PRKCE: variants seen among roughly 807,000 people sequenced by gnomAD.
The protein encoded by PRKCE is protein kinase C epsilon, also known as protein kinase C epsilon type.
PRKCE carries 16 observed loss-of-function variants against 85.4 expected under a neutral mutation model. The ratio of observed to expected loss-of-function variants is 0.19; its 90% CI spans 0.13 to 0.28. PRKCE has a LOEUF of 0.28. Among genes scored for constraint, PRKCE ranks in the 10% least tolerant of loss-of-function variants. The pLI is 1.00. For synonymous variants in PRKCE, 388 were observed against 371.5 expected (o/e 1.04, Z -0.51); for missense variants, 573 against 975.2 (o/e 0.59, Z 5.49).
intron 1 of PRKCE, among the ~76,000 whole-genome samples, chr2:45,807,197 G>A (rs1176382371): frequency 2.0e-5 from 3 of 152,160 alleles, no homozygotes; most frequent in Non-Finnish European, 4.4e-5. Context: ...GATAATAATC[G>A]CTATCTTGCA....
intron 10 of PRKCE, among the ~76,000 whole-genome samples, chr2:46,046,103 TCCAGAGAGG>T (rs1708505836): frequency 6.6e-6 from 1 of 152,128 alleles, no homozygotes; most frequent in Non-Finnish European, 1.5e-5. Flanking sequence ...CTCCCTTTCT[TCCAGAGAGG>T]CCAGTGCCCC....
chr2:45,890,611 C>T (rs1285952126), intron 2 of PRKCE, among the ~76,000 whole-genome samples: 1 of 152,038 alleles, frequency 6.6e-6, no homozygotes, highest in Admixed American at 6.6e-5. Context: ...GAACTCCTGG[C>T]CTCAAGTGAT....
At chr2:45,826,276 T>A (rs1052448122) in intron 1 of PRKCE, among the ~76,000 whole-genome samples, 1 of 152,194 alleles carries the variant, frequency 6.6e-6, no homozygotes, top group Non-Finnish European at 1.5e-5. Context: ...ATAAAGCATT[T>A]GGGGGAATTT....
chr2:45,885,002 T>G lies in PRKCE; in HGVS notation c.412+41939T>G, dbSNP rs199883260. On this transcript the variant is annotated intron_variant, in intron 2 of 14. Transcript: ENST00000306156. ...ATATATATATATATATATATATATA[T>G]TTGTTGTTGTTGTTGTTGTTTTACC... is the stretch of plus-strand genomic sequence containing the variant. Among the ~76,000 whole-genome samples, 677 of 97,660 alleles carry G rather than the reference T, an allele frequency of 6.9e-3. 35 individuals carry two copies. Among genetic ancestry groups the G allele is most frequent in the South Asian group, 0.019 (57 of 2,948 alleles). 64.1% of individuals were successfully genotyped at this position (97,660 alleles called of 152,430 possible).
At chr2:46,016,253 G>A (rs1490829843) in intron 10 of PRKCE, among the ~76,000 whole-genome samples, 1 of 152,168 alleles carries the variant, frequency 6.6e-6, no homozygotes, top group East Asian at 1.9e-4. Context: ...TTTATGGCAG[G>A]ACCTTTGGTC....
Position 45,768,509 on chromosome 2 carries a change from C to G in PRKCE, c.349-74491C>G, listed in dbSNP as rs569147517. Reference sequence around the variant, plus strand: ...CTTCCCTCTTTTCCTTCTGTAAAAACTTAAGTCTCTGATAGTTGGCCAGGG... The same window carrying G: ...CTTCCCTCTTTTCCTTCTGTAAAAAGTTAAGTCTCTGATAGTTGGCCAGGG... On this transcript the variant is annotated intron_variant, in intron 1 of 14. Coordinates refer to ENST00000306156, the MANE Select transcript of PRKCE (RefSeq NM_005400.3). Among the ~76,000 whole-genome samples, 32 of 152,214 alleles carry G rather than the reference C, an allele frequency of 2.1e-4. No homozygotes were observed. The South Asian group carries it at 5.6e-3, about 27-fold the overall frequency.
intron 2 of PRKCE, among the ~76,000 whole-genome samples, chr2:45,853,334 A>G (rs746823623): frequency 1.1e-4 from 16 of 152,218 alleles, no homozygotes; most frequent in Non-Finnish European, 1.3e-4. Flanking sequence ...ACAAGAAGCA[A>G]TTATACCAGG....
intron 11 of PRKCE, among the ~76,000 whole-genome samples, chr2:46,140,456 G>A (rs549950396): frequency 1.1e-4 from 17 of 152,204 alleles, no homozygotes; most frequent in African/African-American, 4.1e-4. Context: ...TAAGGGACTG[G>A]GACAACTTAC....
intron 6 of PRKCE, among the ~76,000 whole-genome samples, chr2:45,990,250 A>G (rs1449515966): frequency 6.6e-6 from 1 of 152,236 alleles, no homozygotes; most frequent in Non-Finnish European, 1.5e-5. Context: ...CAGAAACATC[A>G]GTTCTCTGCC....
At chr2:46,077,083 G>C (rs1338250795) in intron 10 of PRKCE, among the ~76,000 whole-genome samples, 1 of 152,134 alleles carries the variant, frequency 6.6e-6, no homozygotes, top group African/African-American at 2.4e-5. Flanking sequence ...GGGCAGCATA[G>C]TGCCAATTTC....
chr2:46,100,932 G>A (rs1034730600), intron 11 of PRKCE, among the ~76,000 whole-genome samples: 5 of 151,880 alleles, frequency 3.3e-5, no homozygotes, highest in Non-Finnish European at 5.9e-5. Flanking sequence ...GTAGTAGCAC[G>A]ATCTCAGCTC....
chr2:45,971,245 C>G (rs542523748), intron 2 of PRKCE, among the ~76,000 whole-genome samples: 13 of 152,288 alleles, frequency 8.5e-5, no homozygotes, highest in Admixed American at 7.2e-4. Flanking sequence ...CGTTAGATTC[C>G]TCATATAAGT....
chr2:46,093,806 C>G (rs1670417823), intron 11 of PRKCE, among the ~76,000 whole-genome samples: 6 of 152,142 alleles, frequency 3.9e-5, no homozygotes, highest in Admixed American at 3.9e-4. Context: ...ACAGCCCTAT[C>G]ACATACGCAC....
chr2:45,734,281 C>T (rs956967700), intron 1 of PRKCE, among the ~76,000 whole-genome samples: 2 of 151,862 alleles, frequency 1.3e-5, no homozygotes, highest in East Asian at 3.9e-4. Context: ...AGGAGAATCG[C>T]TTGAACCTGG....
chr2:45,934,360 T>A (rs546185395), intron 2 of PRKCE, among the ~76,000 whole-genome samples: 4 of 152,332 alleles, frequency 2.6e-5, no homozygotes, highest in Non-Finnish European at 4.4e-5. Flanking sequence ...CCTATAAAAT[T>A]ACTGTTGGCC....
intron 1 of PRKCE, among the ~76,000 whole-genome samples, chr2:45,731,761 C>T (rs2104553442): frequency 6.6e-6 from 1 of 151,900 alleles, no homozygotes; most frequent in South Asian, 2.1e-4. Context: ...GTAGCTGGGA[C>T]CATGGGTGTG....
At chr2:45,716,389 T>C (rs1490861756) in intron 1 of PRKCE, among the ~76,000 whole-genome samples, 2 of 152,182 alleles carry the variant, frequency 1.3e-5, no homozygotes, top group East Asian at 3.9e-4. Context: ...TGGTGTCGCA[T>C]GCTTGTAGTC....
At position 46,158,918 on chromosome 2, in the gene PRKCE, C is replaced by T. The variant is rs1677480718; in HGVS notation, c.1921-688C>T. Reference sequence around the variant, plus strand: ...ACCTGGGTGTGTAGGGATCGCCAGACACCACCCAGAAAATATAAAACACAT... The same window carrying T: ...ACCTGGGTGTGTAGGGATCGCCAGATACCACCCAGAAAATATAAAACACAT... On this transcript the variant is annotated intron_variant, in intron 13 of 14. Coordinates refer to ENST00000306156, the MANE Select transcript of PRKCE (RefSeq NM_005400.3). 2.6e-5 allele frequency among the ~76,000 whole-genome samples: 4 copies of T among 152,284 alleles called. No homozygotes were observed. In the South Asian group the frequency reaches 8.3e-4, roughly 32 times the overall value.
At chr2:46,072,659 C>A (rs556361850) in intron 10 of PRKCE, among the ~76,000 whole-genome samples, 2 of 152,296 alleles carry the variant, frequency 1.3e-5, no homozygotes, top group South Asian at 4.1e-4. Context: ...AAATGCTAGG[C>A]ATTCCTGGAG....
Sources: allele counts gnomAD v4.1 joint callset (sites outside exome capture counted in the v4.1 genomes callset), GRCh38; gene constraint gnomAD v4.1.1; transcripts MANE v1.5; gene names NCBI Gene and HGNC (gene_info 2026-07-23, HGNC 2026-07-21).